Variants in ASIC2 observed in about 807,000 individuals in gnomAD.
The protein encoded by ASIC2 is acid-sensing ion channel 2.
Under a neutral mutation model 57.3 loss-of-function variants are expected in ASIC2, and 25 were observed. That is an observed-to-expected ratio of 0.44 (90% CI 0.32 to 0.61). The LOEUF (loss-of-function observed/expected upper bound fraction) is 0.61. ASIC2 is among the 20% of genes least tolerant of loss of function. ASIC2 has a pLI of 0.06. For missense variants in ASIC2, 641 were observed against 738.1 expected, an observed-to-expected ratio of 0.87 and a Z score of 1.52; for synonymous variants, 319 against 307.5, an observed-to-expected ratio of 1.04 and a Z score of -0.39.
chr17:33,618,969 C>T (rs1041296264), intron 1 of ASIC2, among the ~76,000 whole-genome samples: 12 of 152,128 alleles, frequency 7.9e-5, no homozygotes, highest in African/African-American at 2.7e-4. Flanking sequence ...CCCAAAATAT[C>T]TCCTGTGTGA....
At chr17:33,165,454 G>T (rs1905277513) in intron 1 of ASIC2, among the ~76,000 whole-genome samples, 2 of 151,222 alleles carry the variant, frequency 1.3e-5, no homozygotes, top group South Asian at 4.2e-4. Flanking sequence ...GTCTTCTAAG[G>T]GTGTGTGTGT....
At position 33,443,406 on chromosome 17, in the gene ASIC2, ATT is replaced by A. The variant is rs779597047; in HGVS notation, c.556-331341_556-331340del. On this transcript the variant is annotated intron_variant, in intron 1 of 9. Coordinates refer to the ASIC2 transcript ENST00000359872. ...TTTTTTATGTATGGTGGAGGGTAAG[ATT>A]TTTTTTTTTTTTTTTTTTTTTTTGA... is the stretch of plus-strand genomic sequence containing the variant. 2.0e-3 allele frequency among the ~76,000 whole-genome samples: 153 copies of A among 75,238 alleles called. 1 individual carries two copies. The highest frequency in any genetic ancestry group is 0.014 in the Middle Eastern group (1 of 74). The allele number at this position is 75,238 out of a possible 152,430, so 49.4% of individuals were successfully genotyped here. A position where few individuals can be genotyped will look rare whatever the true frequency, so the allele number is the denominator to read the frequency against.
At chr17:33,821,742 C>T (rs531473443) in intron 1 of ASIC2, among the ~76,000 whole-genome samples, 7 of 152,300 alleles carry the variant, frequency 4.6e-5, no homozygotes, top group Admixed American at 1.3e-4. Flanking sequence ...TCAGGATTTT[C>T]GGTAACTGTT....
chr17:33,385,510 G>A (rs529161057), intron 1 of ASIC2, among the ~76,000 whole-genome samples: 2 of 152,214 alleles, frequency 1.3e-5, no homozygotes, highest in African/African-American at 4.8e-5. Context: ...CACATGCCTT[G>A]CATTTTAACA....
intron 1 of ASIC2, among the ~76,000 whole-genome samples, chr17:33,399,128 G>C (rs185408283): frequency 6.6e-6 from 1 of 152,278 alleles, no homozygotes; most frequent in East Asian, 1.9e-4. Context: ...GATGGTCCCA[G>C]GGAAAGAAAT....
chr17:33,467,800 C>T (rs201295826), intron 1 of ASIC2, among the ~76,000 whole-genome samples: 2 of 152,200 alleles, frequency 1.3e-5, no homozygotes, highest in East Asian at 3.8e-4. Context: ...CCAGACAAAA[C>T]CAATGCACAT....
chr17:33,230,431 A>G (rs1367034498), intron 1 of ASIC2, among the ~76,000 whole-genome samples: 1 of 152,236 alleles, frequency 6.6e-6, no homozygotes, highest in Non-Finnish European at 1.5e-5. Context: ...GACCAAGGGC[A>G]ACACCTGCCA....
At chr17:34,154,870 C>A (rs894549541) in intron 1 of ASIC2, among the ~76,000 whole-genome samples, 2 of 152,164 alleles carry the variant, frequency 1.3e-5, no homozygotes, top group Non-Finnish European at 2.9e-5. Context: ...GGTCCCACAG[C>A]CCCTGATACC....
chr17:33,579,726 T>C (rs1206735310), intron 1 of ASIC2, among the ~76,000 whole-genome samples: 2 of 152,148 alleles, frequency 1.3e-5, no homozygotes, highest in Non-Finnish European at 2.9e-5. Flanking sequence ...CTGTTAAAAG[T>C]AGTGCGGACC....
At chr17:33,606,169 A>G (rs1361252286) in intron 1 of ASIC2, among the ~76,000 whole-genome samples, 1 of 152,234 alleles carries the variant, frequency 6.6e-6, no homozygotes, top group Non-Finnish European at 1.5e-5. Context: ...CAGCGGACCC[A>G]GGGGCCAGCT....
chr17:33,176,035 T>C (rs552302935), intron 1 of ASIC2, among the ~76,000 whole-genome samples: 5 of 152,204 alleles, frequency 3.3e-5, no homozygotes, highest in Admixed American at 6.5e-5. Context: ...CATATTCTTA[T>C]CCCCTGGCCT....
chr17:33,774,120 C>G (rs913418552), intron 1 of ASIC2, among the ~76,000 whole-genome samples: 2 of 152,302 alleles, frequency 1.3e-5, no homozygotes, highest in Non-Finnish European at 2.9e-5. Flanking sequence ...ATGGTAGGCT[C>G]TCTGGCTCCC....
At chr17:34,155,663 C>T (rs967778488) in intron 1 of ASIC2, 35 of 336,116 alleles carry the variant, frequency 1.0e-4, no homozygotes, top group African/African-American at 6.6e-4. Context: ...CCAAGCGGAC[C>T]GGACAACGGA....
At chr17:33,278,981 AT>A (rs1708940355) in intron 1 of ASIC2, among the ~76,000 whole-genome samples, 2 of 152,214 alleles carry the variant, frequency 1.3e-5, no homozygotes, top group Non-Finnish European at 2.9e-5. Context: ...TCAGAGGGGC[AT>A]AAACAAAGTG....
intron 1 of ASIC2, among the ~76,000 whole-genome samples, chr17:33,518,919 C>T (rs1241947650): frequency 6.6e-6 from 1 of 151,846 alleles, no homozygotes; most frequent in Non-Finnish European, 1.5e-5. Flanking sequence ...CTTCCGGGTT[C>T]ACGCCATTCT....
chr17:33,905,165 T>TTTTC (rs147028517), intron 1 of ASIC2, among the ~76,000 whole-genome samples: 3 of 108,418 alleles, frequency 2.8e-5, no homozygotes, highest in African/African-American at 1.1e-4. Flanking sequence ...TTTTTTTTTT[T>TTTTC]CCACTTAGCG....
chr17:33,717,179 A>G (rs577705462), intron 1 of ASIC2, among the ~76,000 whole-genome samples: 3 of 152,248 alleles, frequency 2.0e-5, no homozygotes, highest in Non-Finnish European at 4.4e-5. Context: ...GGCACACAAA[A>G]AGGGTGTAAT....
At chr17:34,131,407 C>A (rs1036593906) in intron 1 of ASIC2, among the ~76,000 whole-genome samples, 10 of 152,204 alleles carry the variant, frequency 6.6e-5, no homozygotes, top group African/African-American at 2.4e-4. Flanking sequence ...ACTGCCTAGG[C>A]CCCAGAAGAG....
At chr17:33,139,089 C>T (rs1486656193) in intron 1 of ASIC2, among the ~76,000 whole-genome samples, 4 of 152,312 alleles carry the variant, frequency 2.6e-5, no homozygotes, top group Middle Eastern at 3.4e-3. Context: ...CCTTCCAGCT[C>T]TCACCATCCA....
Sources: gnomAD v4.1 joint callset for allele counts (sites outside exome capture counted in the v4.1 genomes callset) on GRCh38, gnomAD v4.1.1 for gene constraint, MANE v1.5 for transcripts, NCBI Gene and HGNC (gene_info 2026-07-23, HGNC 2026-07-21) for gene names.